Variants in PTPRM observed in about 807,000 individuals in gnomAD.
PTPRM encodes the protein protein tyrosine phosphatase receptor type M, also known as receptor-type tyrosine-protein phosphatase mu.
A neutral mutation model predicts 186.7 loss-of-function variants in PTPRM; 47 were observed. The ratio of observed to expected loss-of-function variants is 0.25; its 90% CI spans 0.20 to 0.32. The LOEUF is 0.32. Ranked by LOEUF, PTPRM falls within the 10% of genes least tolerant of loss-of-function variation. PTPRM has a pLI of 1.00. For synonymous variants in PTPRM, 668 were observed against 674.9 expected (o/e 0.99, Z 0.16); for missense variants, 1,494 against 1,865.0 (o/e 0.80, Z 3.66).
intron 26 of PTPRM, chr18:8,377,862 A>T (rs2095706647): frequency 6.3e-6 from 1 of 157,522 alleles, no homozygotes; most frequent in Admixed American, 6.4e-5. Context: ...TTTTGAATTA[A>T]GAACTTCCAG....
At chr18:7,944,268 T>C (rs1599654596) in intron 5 of PTPRM, among the ~76,000 whole-genome samples, 1 of 152,334 alleles carries the variant, frequency 6.6e-6, no homozygotes, top group East Asian at 1.9e-4. Flanking sequence ...AGAAAGATGT[T>C]ACTGCAGTAG....
chr18:8,167,697 G>T lies in PTPRM; in HGVS notation c.2300+23918G>T, dbSNP rs558117393. ...CTCTGGACTGAAAAGATGCCATGCA[G>T]CAGGAGGAATTGCACTTTAGCAAGT... On this transcript the variant is annotated intron_variant, in intron 14 of 32. Transcript: ENST00000580170. 2.6e-5 allele frequency among the ~76,000 whole-genome samples: 4 copies of T among 151,566 alleles called. No homozygotes were observed. The East Asian group carries it at 7.7e-4, about 29-fold the overall frequency.
At chr18:8,035,989 C>G (rs781728727) in intron 7 of PTPRM, among the ~76,000 whole-genome samples, 2 of 152,066 alleles carry the variant, frequency 1.3e-5, no homozygotes, top group Non-Finnish European at 2.9e-5. Flanking sequence ...GCACCTATGC[C>G]TCAGTAAGAA....
At chr18:8,194,072 G>A (rs1011532688) in intron 14 of PTPRM, among the ~76,000 whole-genome samples, 4 of 152,172 alleles carry the variant, frequency 2.6e-5, no homozygotes, top group African/African-American at 7.2e-5. Flanking sequence ...AGAGGCCATC[G>A]TGAAACCAAA....
rs1428027407 is a variant in PTPRM, at chr18:8,314,996, G to A, written c.2919+139G>A. 4 of 538,250 alleles carry A rather than the reference G, an allele frequency of 7.4e-6. No homozygotes were observed. In the East Asian group the frequency reaches 1.3e-4, roughly 18 times the overall value. The allele number at this position is 538,250 out of a possible 1,614,324, so 33.3% of individuals were successfully genotyped here. ...TCAGTAAACCCAACCATTCTGACAT[G>A]TACCAGATTGTGTGTCTGCTGAACG... On this transcript the variant is annotated intron_variant, in intron 21 of 32. Coordinates refer to ENST00000580170, the MANE Select transcript of PTPRM (RefSeq NM_001105244.2).
At chr18:7,912,836 A>C (rs529311669) in intron 4 of PTPRM, among the ~76,000 whole-genome samples, 1 of 152,222 alleles carries the variant, frequency 6.6e-6, no homozygotes, top group East Asian at 1.9e-4. Flanking sequence ...TGTACTTTCA[A>C]ATGAATTTGA....
intron 2 of PTPRM, among the ~76,000 whole-genome samples, chr18:7,830,262 G>A (rs955383584): frequency 2.0e-5 from 3 of 152,078 alleles, no homozygotes; most frequent in Non-Finnish European, 4.4e-5. Flanking sequence ...CTCAGGGCTG[G>A]CCAATCAGAG....
chr18:8,022,420 G>A (rs915083726), intron 7 of PTPRM, among the ~76,000 whole-genome samples: 6 of 152,148 alleles, frequency 3.9e-5, no homozygotes, highest in South Asian at 4.1e-4. Context: ...CTTGGAAAGC[G>A]TTTTCTAAGT....
intron 6 of PTPRM, among the ~76,000 whole-genome samples, chr18:7,950,675 A>G (rs5003719): frequency 0.38 from 57,489 of 151,830 alleles, 12,876 homozygotes; most frequent in African/African-American, 0.63. Flanking sequence ...ATAGTGAGCA[A>G]TGGGTGCTTG....
At chr18:8,097,521 C>T (rs1450151351) in intron 11 of PTPRM, among the ~76,000 whole-genome samples, 5 of 152,176 alleles carry the variant, frequency 3.3e-5, no homozygotes, top group Admixed American at 1.3e-4. Flanking sequence ...TGACACTTGG[C>T]TACTGTTCAG....
rs563194245 is a variant in PTPRM at position 8,289,480 on chromosome 18, A to G, written c.2755-6888A>G. On this transcript the variant is annotated intron_variant, in intron 19 of 32. Transcript: ENST00000580170. ...TATACATATATATACACACATATGT[A>G]TATATATACATATATGTATATATGT... Among the ~76,000 whole-genome samples the G allele has an allele frequency of 3.4e-3, 404 of 118,158 alleles. 7 individuals are homozygous for G. The highest frequency in any genetic ancestry group is 5.0e-3 in the Non-Finnish European group (277 of 55,728). The allele number at this position is 118,158 out of a possible 152,430, so 77.5% of individuals were successfully genotyped here. A position where few individuals can be genotyped will look rare whatever the true frequency, so the allele number is the denominator to read the frequency against.
chr18:7,973,786 A>G (rs1332746505), intron 7 of PTPRM, among the ~76,000 whole-genome samples: 1 of 152,176 alleles, frequency 6.6e-6, no homozygotes, highest in African/African-American at 2.4e-5. Flanking sequence ...GTCCAAATAT[A>G]TATTAATTTA....
chr18:8,005,983 A>T (rs1356343593), intron 7 of PTPRM, among the ~76,000 whole-genome samples: 1 of 151,806 alleles, frequency 6.6e-6, no homozygotes, highest in Non-Finnish European at 1.5e-5. Flanking sequence ...GCGGGAACCT[A>T]ATTTATTTGG....
chr18:8,220,433 A>C (rs2094141411), intron 14 of PTPRM, among the ~76,000 whole-genome samples: 1 of 152,194 alleles, frequency 6.6e-6, no homozygotes, highest in African/African-American at 2.4e-5. Flanking sequence ...CATATATCCC[A>C]CAAAGGGATT....
chr18:7,946,507 G>C (rs972138435), intron 5 of PTPRM, among the ~76,000 whole-genome samples: 1 of 152,132 alleles, frequency 6.6e-6, no homozygotes, highest in Admixed American at 6.5e-5. Flanking sequence ...GGAGTAGTAT[G>C]TCTAAGATTA....
intron 1 of PTPRM, among the ~76,000 whole-genome samples, chr18:7,632,233 T>G (rs1194506163): frequency 6.6e-6 from 1 of 152,216 alleles, no homozygotes; most frequent in East Asian, 1.9e-4. Context: ...CATGGTGTTT[T>G]TCTGGATCAA....
At chr18:8,259,757 C>G (rs967573923) in intron 19 of PTPRM, among the ~76,000 whole-genome samples, 1 of 152,046 alleles carries the variant, frequency 6.6e-6, no homozygotes, top group African/African-American at 2.4e-5. Context: ...AAGTGATTTT[C>G]CCAACCCAGC....
chr18:8,213,276 G>T (rs1047463044), intron 14 of PTPRM, among the ~76,000 whole-genome samples: 11 of 152,192 alleles, frequency 7.2e-5, no homozygotes, highest in Admixed American at 2.0e-4. Flanking sequence ...TAAGGCCTTG[G>T]CATTGCAGAG....
intron 2 of PTPRM, 108 bp downstream of exon 2, chr18:7,774,379 T>A (rs2042482168): frequency 7.2e-7 from 1 of 1,383,904 alleles, no homozygotes; most frequent in Non-Finnish European, 9.9e-7. Flanking sequence ...GGTCTTTGGA[T>A]GTGGCAGTCA....
Sources: allele counts gnomAD v4.1 joint callset (sites outside exome capture counted in the v4.1 genomes callset), GRCh38; gene constraint gnomAD v4.1.1; transcripts MANE v1.5; gene names NCBI Gene and HGNC (gene_info 2026-07-23, HGNC 2026-07-21).